The following INTS13 variants were observed in gnomAD, a reference collection of about 807,000 sequenced individuals.
INTS13 encodes the protein integrator complex subunit 13, also known as asunder, spermatogenesis regulator homolog (Drosphila).
Under a neutral mutation model 90.2 loss-of-function variants are expected in INTS13, and 35 were observed. The ratio of observed to expected loss-of-function variants is 0.39; its 90% CI spans 0.30 to 0.51. The LOEUF is 0.51. Among genes scored for constraint, INTS13 ranks in the 20% least tolerant of loss-of-function variants. The probability of loss-of-function intolerance (pLI) is 0.80; values close to 1 mark genes in which losing one functional copy is unlikely to be tolerated. For synonymous variants in INTS13, 309 were observed against 277.1 expected (o/e 1.11, Z -1.14); for missense variants, 601 against 851.2 (o/e 0.71, Z 3.66).
At chr12:26,927,979 T>C (rs1227182579) in intron 5 of INTS13, among the ~76,000 whole-genome samples, 1 of 152,180 alleles carries the variant, frequency 6.6e-6, no homozygotes, top group African/African-American at 2.4e-5. Flanking sequence ...ACATTATAAA[T>C]TTATGTATTA....
At chr12:26,926,238 T>C (rs1257644520) in intron 5 of INTS13, among the ~76,000 whole-genome samples, 1 of 152,238 alleles carries the variant, frequency 6.6e-6, no homozygotes, top group African/African-American at 2.4e-5. Context: ...TAATTAGTTA[T>C]TTCCAAGTTA....
chr12:26,932,570 A>C (rs566156856), intron 3 of INTS13, among the ~76,000 whole-genome samples: 1 of 152,216 alleles, frequency 6.6e-6, no homozygotes, highest in Non-Finnish European at 1.5e-5. Context: ...TAAGATACTA[A>C]ATCACTACTG....
chr12:26,928,653 A>G (rs748232325), intron 4 of INTS13, 50 bp downstream of exon 4: 3 of 1,582,310 alleles, frequency 1.9e-6, no homozygotes, highest in African/African-American at 1.3e-5. Context: ...AAACTACAAC[A>G]GGATTTTAAA....
chr12:26,936,619 T>C lies in INTS13; in HGVS notation c.185A>G (p.Tyr62Cys). The change falls in exon 2 of 17, where the codon TAT (tyrosine) becomes TGT (cysteine). Residue 62 changes from tyrosine (Y) to cysteine (C), a missense_variant. By Grantham distance (194) the Tyr-to-Cys change is radical. Transcript: ENST00000261191. The part of the protein sequence containing the change: ...WTCSVESSME[Y>C]CRIMYDIFPF... Reference sequence around the variant, plus strand: ...AAATATATCATACATTATTCTACAATATTCCATGGAAGATTCTACTGAGCA... The same window carrying C: ...AAATATATCATACATTATTCTACAACATTCCATGGAAGATTCTACTGAGCA... The C allele has an allele frequency of 6.2e-7, 1 of 1,612,914 alleles. No homozygotes were observed. Among genetic ancestry groups the C allele is most frequent in the Non-Finnish European group, 8.5e-7 (1 of 1,178,928 alleles).
chr12:26,914,622 G>A (rs769334657), intron 11 of INTS13, 44 bp from the exon 12 acceptor site: 1 of 1,446,958 alleles, frequency 6.9e-7, no homozygotes, highest in South Asian at 1.2e-5. Flanking sequence ...TATGTCTAAT[G>A]TTTCAGTATG....
intron 11 of INTS13, 145 bp from the exon 12 acceptor site, chr12:26,914,723 C>T (rs1470288313): frequency 1.1e-5 from 6 of 558,240 alleles, no homozygotes; most frequent in Non-Finnish European, 1.5e-5. Flanking sequence ...AACTCCACTA[C>T]TTTTTTATCC....
At chr12:26,914,249 C>T (rs1400510408) in intron 12 of INTS13, 121 bp from the exon 13 acceptor site, 1 of 1,170,444 alleles carries the variant, frequency 8.5e-7, no homozygotes, top group Non-Finnish European at 1.2e-6. Context: ...GAATCTATAA[C>T]TATCACTTCA....
At chr12:26,906,166 T>G in intron 16 of INTS13, 136 bp downstream of exon 16, 1 of 829,318 alleles carries the variant, frequency 1.2e-6, no homozygotes. Context: ...AGGTTAATTT[T>G]TTCTGCTTAT....
chr12:26,927,439 A>G (rs1180498812), intron 5 of INTS13, among the ~76,000 whole-genome samples: 1 of 152,216 alleles, frequency 6.6e-6, no homozygotes, highest in East Asian at 1.9e-4. Context: ...ACATTTGATC[A>G]AAAGTACTAG....
At chr12:26,932,568 T>C (rs1460537270) in intron 3 of INTS13, among the ~76,000 whole-genome samples, 1 of 152,168 alleles carries the variant, frequency 6.6e-6, no homozygotes, top group East Asian at 1.9e-4. Context: ...GGTAAGATAC[T>C]AAATCACTAC....
At chr12:26,906,156 A>T in intron 16 of INTS13, 146 bp downstream of exon 16, 2 of 714,432 alleles carry the variant, frequency 2.8e-6, no homozygotes, top group South Asian at 2.2e-5. Flanking sequence ...AGAATCAAAG[A>T]GGTTAATTTT....
In INTS13 at chr12:26,934,567, T is replaced by C; in HGVS notation, c.289A>G (p.Asn97Asp). The C allele has an allele frequency of 6.2e-7, 1 of 1,611,298 alleles. No homozygotes were observed. Among genetic ancestry groups the C allele is most frequent in the Non-Finnish European group, 8.5e-7 (1 of 1,177,484 alleles). Residue 97 changes from asparagine to aspartate, a missense_variant, in exon 3 of 17, where the codon AAT (asparagine) becomes GAT (aspartate). Asn to Asp is a conservative substitution (Grantham distance 23). Coordinates refer to ENST00000261191, the MANE Select transcript of INTS13 (RefSeq NM_018164.3). ...VLNSWTQEDQNLQELMAALAA... is the reference protein window; with the variant it reads ...VLNSWTQEDQDLQELMAALAA... ...AAATCTAACCATACCTCCTGTAAAT[T>C]TTGGTCTTCTTGAGTCCAAGAATTT...
intron 5 of INTS13, among the ~76,000 whole-genome samples, chr12:26,927,917 A>G (rs1420561592): frequency 1.3e-5 from 2 of 152,206 alleles, no homozygotes; most frequent in Non-Finnish European, 2.9e-5. Context: ...CACCCAACAC[A>G]TTTTACAAAT....
rs1269334777 is a variant in INTS13, at chr12:26,925,774, C to G, written c.662G>C (p.Arg221Pro). ...TTCAACACTCACCTCTTTTTTAGAACGATCAGATACAAGGCTGTCTTCACC... is the reference window on the plus strand; with the variant it reads ...TTCAACACTCACCTCTTTTTTAGAAGGATCAGATACAAGGCTGTCTTCACC... ...PVGEDSLVSD[R>P]SKKELSPVLT... The change falls in exon 6 of 17, where the codon CGT (arginine) becomes CCT (proline). Residue 221 changes from arginine (R) to proline (P), a missense_variant. Physicochemically the swap from Arg to Pro is moderately radical, Grantham distance 103. Around this residue, in one of 3 missense-constraint regions of INTS13, gnomAD observed 284 missense variants for 387.7 expected, o/e 0.73. Coordinates refer to ENST00000261191, the MANE Select transcript of INTS13 (RefSeq NM_018164.3). The G allele has an allele frequency of 1.9e-6, 3 of 1,607,822 alleles. No homozygotes were observed. In the Admixed American group the frequency reaches 5.0e-5, roughly 27 times the overall value.
In INTS13 at chr12:26,913,539, T is replaced by C; in HGVS notation, c.1723A>G (p.Arg575Gly). The C allele has an allele frequency of 6.2e-7, 1 of 1,614,140 alleles. No homozygotes were observed. Among genetic ancestry groups the C allele is most frequent in the Non-Finnish European group, 8.5e-7 (1 of 1,180,018 alleles). ...PEEEERKKRG[R>G]KREDKEDKSE... Reference sequence around the variant, plus strand: ...TTGTCCTCTTTGTCTTCCCTCTTTCTTCCTCGTTTCTTTCGTTCTTCCTCT... The same window carrying C: ...TTGTCCTCTTTGTCTTCCCTCTTTCCTCCTCGTTTCTTTCGTTCTTCCTCT... The change falls in exon 14 of 17, where the codon AGA becomes GGA. Residue 575 changes from arginine to glycine, a missense_variant. Arg to Gly is a moderately radical substitution (Grantham distance 125). Around this residue, in one of 3 missense-constraint regions of INTS13, gnomAD observed 228 missense variants for 272.5 expected, o/e 0.84. Transcript: ENST00000261191.
chr12:26,909,197 C>T (rs894298571), intron 15 of INTS13, among the ~76,000 whole-genome samples: 3 of 152,080 alleles, frequency 2.0e-5, no homozygotes, highest in African/African-American at 7.2e-5. Context: ...CCTGTCTCTA[C>T]TAAAAATATA....
intron 14 of INTS13, among the ~76,000 whole-genome samples, chr12:26,913,157 T>C (rs1951835566): frequency 6.6e-6 from 1 of 152,212 alleles, no homozygotes; most frequent in African/African-American, 2.4e-5. Context: ...AATAAAATTA[T>C]GTCTGTGAAG....
chr12:26,913,384 G>A (rs2137431417), intron 14 of INTS13, 73 bp downstream of exon 14: 2 of 1,046,134 alleles, frequency 1.9e-6, no homozygotes, highest in South Asian at 2.7e-5. Context: ...AGGTTTGAAT[G>A]TATGAAAGTG....
intron 15 of INTS13, among the ~76,000 whole-genome samples, chr12:26,907,076 C>A (rs1329998174): frequency 6.6e-6 from 1 of 152,190 alleles, no homozygotes; most frequent in Non-Finnish European, 1.5e-5. Flanking sequence ...TGCAAGCAGG[C>A]TTTTCTAATT....
Sources: allele counts gnomAD v4.1 joint callset (sites outside exome capture counted in the v4.1 genomes callset), GRCh38; gene constraint gnomAD v4.1.1; regional missense constraint gnomAD v4.1.1; transcripts MANE v1.5; gene names NCBI Gene and HGNC (gene_info 2026-07-23, HGNC 2026-07-21).